The following CNN2 variants were observed in gnomAD, a reference collection of about 807,000 sequenced individuals.
CNN2 encodes calponin-2.
A neutral mutation model predicts 31.0 loss-of-function variants in CNN2; 21 were observed. The ratio of observed to expected loss-of-function variants is 0.68; its 90% CI spans 0.48 to 0.98. The LOEUF (loss-of-function observed/expected upper bound fraction) is 0.98, where lower values mean the gene tolerates loss of function less well. CNN2 is among the 50% of genes least tolerant of loss of function. The pLI is 0.00. For synonymous variants in CNN2, 165 were observed against 179.6 expected (o/e 0.92, Z 0.65); for missense variants, 399 against 427.3 (o/e 0.93, Z 0.58).
chr19:1,027,289 C>CT (rs1288642081), intron 1 of CNN2, among the ~76,000 whole-genome samples: 1 of 152,228 alleles, frequency 6.6e-6, no homozygotes, highest in African/African-American at 2.4e-5. Flanking sequence ...TTTGCACGGT[C>CT]TTTGTCTCCC....
intron 1 of CNN2, among the ~76,000 whole-genome samples, chr19:1,030,319 C>T (rs894065207): frequency 6.6e-6 from 1 of 152,080 alleles, no homozygotes; most frequent in African/African-American, 2.4e-5. Flanking sequence ...GCAGCTCCTT[C>T]GGGAGTTGCT....
chr19:1,030,795 A>ACCG, intron 1 of CNN2: 1 of 287,934 alleles, frequency 3.5e-6, no homozygotes, highest in Non-Finnish European at 6.7e-6. Flanking sequence ...TTTGTCCTGC[A>ACCG]CCGGGAGTGG....
chr19:1,030,999 G>C (rs531430161), intron 1 of CNN2, 72 bp from the exon 2 acceptor site: 2 of 1,535,742 alleles, frequency 1.3e-6, no homozygotes, highest in East Asian at 4.7e-5. Flanking sequence ...CCCACCCTCT[G>C]CAGAGCTTCT....
rs565285481 is a variant in CNN2, at chr19:1,031,275, TG to T, written c.185+89del. 114 of 1,158,968 alleles carry T rather than the reference TG, an allele frequency of 9.8e-5. 4 individuals carry two copies. The South Asian group carries it at 1.7e-3, about 17-fold the overall frequency. 71.8% of individuals were successfully genotyped at this position (1,158,968 alleles called of 1,614,324 possible). ...CTTTTTTTCTTAATTAAGAAATTTT[TG>T]GGGGGCCGGGCATGGCCTGGCTCAT... On this transcript the variant is annotated intron_variant, in intron 2 of 6. Transcript: ENST00000263097.
In CNN2 at chr19:1,036,407, T is replaced by A. The variant is rs944266768; in HGVS notation, c.508-9T>A. The stretch of plus-strand genomic sequence containing the variant: ...TGCAGTCTGACCTCTCCCACGAACC[T>A]CCCTGCAGATGGGCACCAACAAATG... On this transcript the variant is annotated splice_polypyrimidine_tract_variant and intron_variant, in intron 5 of 6. Coordinates refer to ENST00000263097, the MANE Select transcript of CNN2 (RefSeq NM_004368.4). 6.2e-7 allele frequency: 1 copy of A among 1,612,228 alleles called. No homozygotes were observed. Among genetic ancestry groups the A allele is most frequent in the African/African-American group, 1.3e-5 (1 of 74,756 alleles).
Position 1,036,455 on chromosome 19 carries a change from G to A in CNN2, c.547G>A (p.Ala183Thr). Residue 183 changes from alanine to threonine, a missense_variant, in exon 6 of 7, where the codon GCC (alanine) becomes ACC (threonine). Transcript: ENST00000263097. ...NKCASQSGMT[A>T]YGTRRHLYDP... is the part of the protein sequence containing the mutation. ...ATGCGCCAGCCAGTCGGGCATGACTGCCTACGGCACGAGAAGGCATCTCTA... is the reference window on the plus strand; with the variant it reads ...ATGCGCCAGCCAGTCGGGCATGACTACCTACGGCACGAGAAGGCATCTCTA... 3 of 1,611,456 alleles carry A rather than the reference G, an allele frequency of 1.9e-6. No homozygotes were observed. The highest frequency in any genetic ancestry group is 2.5e-6 in the Non-Finnish European group (3 of 1,178,372).
chr19:1,031,564 C>CAAAA lies in CNN2; in HGVS notation c.185+395_185+398dup, dbSNP rs536524090. 2.4e-4 allele frequency among the ~76,000 whole-genome samples: 16 copies of CAAAA among 66,332 alleles called. 1 individual carries two copies. The highest frequency in any genetic ancestry group is 1.1e-3 in the African/African-American group (15 of 14,012). The allele number at this position is 66,332 out of a possible 152,430, so 43.5% of individuals were successfully genotyped here. A position where few individuals can be genotyped will look rare whatever the true frequency, so the allele number is the denominator to read the frequency against. On this transcript the variant is annotated intron_variant, in intron 2 of 6. Coordinates refer to ENST00000263097, the MANE Select transcript of CNN2 (RefSeq NM_004368.4). ...GGGGTGACACAGCGAGACTCCATCT[C>CAAAA]AAAAAAAAAAAAAAAAAAAAAAAAA...
At chr19:1,030,235 G>A (rs1033515410) in intron 1 of CNN2, among the ~76,000 whole-genome samples, 8 of 152,218 alleles carry the variant, frequency 5.3e-5, no homozygotes, top group African/African-American at 7.2e-5. Flanking sequence ...AGCTGGAATG[G>A]CCGGGTGCAG....
In CNN2 at chr19:1,036,454, T is replaced by C; in HGVS notation, c.546T>C (p.Thr182=). 7 of 1,611,330 alleles carry C rather than the reference T, an allele frequency of 4.3e-6. No homozygotes were observed. The highest frequency in any genetic ancestry group is 5.9e-6 in the Non-Finnish European group (7 of 1,178,304). The part of the protein sequence containing the change: ...TNKCASQSGM[T]AYGTRRHLYD... Reference sequence around the variant, plus strand: ...AATGCGCCAGCCAGTCGGGCATGACTGCCTACGGCACGAGAAGGCATCTCT... The same window carrying C: ...AATGCGCCAGCCAGTCGGGCATGACCGCCTACGGCACGAGAAGGCATCTCT... Residue 182 remains threonine (T), a synonymous_variant, in exon 6 of 7, where the codon ACT becomes ACC. Transcript: ENST00000263097.
Position 1,037,868 on chromosome 19 carries a change from C to G in CNN2, c.898C>G (p.Pro300Ala). 1 of 1,598,920 alleles carries G rather than the reference C, an allele frequency of 6.3e-7. No homozygotes were observed. The highest frequency in any genetic ancestry group is 8.5e-7 in the Non-Finnish European group (1 of 1,170,480). The change falls in exon 7 of 7, where the codon CCC becomes GCC. Residue 300 changes from proline (P) to alanine (A), a missense_variant. Physicochemically the swap from Pro to Ala is conservative, Grantham distance 27. Transcript: ENST00000263097. ...CPDPGEVPEY[P>A]PYYQEEAGY ...GGACCCGGGGGAGGTCCCTGAATAT[C>G]CCCCTTACTACCAGGAGGAGGCCGG...
intron 1 of CNN2, among the ~76,000 whole-genome samples, chr19:1,027,492 A>G (rs960070006): frequency 2.0e-5 from 3 of 152,230 alleles, no homozygotes; most frequent in African/African-American, 7.2e-5. Flanking sequence ...TCTGGGCAAC[A>G]TGGCGAAACC....
chr19:1,033,544 G>A (rs1229328954), intron 4 of CNN2, among the ~76,000 whole-genome samples: 1 of 152,254 alleles, frequency 6.6e-6, no homozygotes, highest in Non-Finnish European at 1.5e-5. Context: ...TGAACTGGGA[G>A]AAATGCCTTG....
chr19:1,032,261 C>T, intron 2 of CNN2, 131 bp from the exon 3 acceptor site: 1 of 861,578 alleles, frequency 1.2e-6, no homozygotes, highest in Non-Finnish European at 1.8e-6. Context: ...AGAGTGGAAA[C>T]TGAGGCCCAG....
chr19:1,035,328 G>T (rs1228700418), intron 4 of CNN2, among the ~76,000 whole-genome samples: 3 of 152,052 alleles, frequency 2.0e-5, no homozygotes, highest in Non-Finnish European at 4.4e-5. Flanking sequence ...GGAATTGGCT[G>T]GGCTGTTAGA....
At chr19:1,033,390 T>A (rs971623520) in intron 4 of CNN2, among the ~76,000 whole-genome samples, 1 of 151,960 alleles carries the variant, frequency 6.6e-6, no homozygotes, top group East Asian at 1.9e-4. Flanking sequence ...TGGTGGTGCA[T>A]GCCTGTAATC....
At position 1,031,605 on chromosome 19, in the gene CNN2, GT is replaced by G. The variant is rs2039499578; in HGVS notation, c.185+414del. Among the ~76,000 whole-genome samples the G allele has an allele frequency of 1.4e-5, 2 of 145,566 alleles. 1 individual carries two copies. Among genetic ancestry groups the G allele is most frequent in the Admixed American group, 1.4e-4 (2 of 14,676 alleles). On this transcript the variant is annotated intron_variant, in intron 2 of 6. Coordinates refer to ENST00000263097, the MANE Select transcript of CNN2 (RefSeq NM_004368.4). ...AAAAAAAAAAAGTTAGCTGGGCGTG[GT>G]GGCTAAATAAATAATTTTTTTTTTT... is the stretch of plus-strand genomic sequence containing the variant.
chr19:1,037,590 C>T, intron 6 of CNN2, 35 bp from the exon 7 acceptor site: 5 of 1,593,718 alleles, frequency 3.1e-6, no homozygotes, highest in Non-Finnish European at 4.3e-6. Context: ...CTCTTCTCTC[C>T]ACCATGACCT....
intron 2 of CNN2, 141 bp from the exon 3 acceptor site, chr19:1,032,251 A>AGG: frequency 1.1e-6 from 1 of 882,626 alleles, no homozygotes; most frequent in African/African-American, 1.7e-5. Flanking sequence ...AAAAAAAAAA[A>AGG]GAGTGGAAAC....
intron 1 of CNN2, among the ~76,000 whole-genome samples, chr19:1,027,775 T>C (rs1402740129): frequency 6.6e-6 from 1 of 151,992 alleles, no homozygotes; most frequent in African/African-American, 2.4e-5. Context: ...AAGGTGTCCT[T>C]ACAGCTGACT....
Sources: allele counts gnomAD v4.1 joint callset (sites outside exome capture counted in the v4.1 genomes callset), GRCh38; gene constraint gnomAD v4.1.1; transcripts MANE v1.5; gene names NCBI Gene and HGNC (gene_info 2026-07-23, HGNC 2026-07-21).